CACNA2D4: variants seen among roughly 807,000 people sequenced by gnomAD.
CACNA2D4 encodes the protein calcium voltage-gated channel auxiliary subunit alpha2delta 4.
CACNA2D4 carries 157 observed loss-of-function variants against 163.8 expected under a neutral mutation model. The observed-to-expected ratio is 0.96, with a 90% confidence interval of 0.84 to 1.09. The LOEUF (loss-of-function observed/expected upper bound fraction) is 1.09. Among genes scored for constraint, CACNA2D4 ranks in the 50% least tolerant of loss-of-function variants. CACNA2D4 has a pLI of 0.00. For synonymous variants in CACNA2D4, 598 were observed against 586.9 expected, an observed-to-expected ratio of 1.02 and a Z score of -0.27; for missense variants, 1,410 against 1,479.9, an observed-to-expected ratio of 0.95 and a Z score of 0.78.
chr12:1,816,686 G>C (rs1863883806), intron 26 of CACNA2D4, among the ~76,000 whole-genome samples: 1 of 152,248 alleles, frequency 6.6e-6, no homozygotes, highest in African/African-American at 2.4e-5. Context: ...TGTGCACACA[G>C]ACTGTCACCT....
rs1221492746 is a variant in CACNA2D4, at chr12:1,879,975, C to A, written c.1486-94G>T. Reference sequence around the variant, plus strand: ...ACCCAGTGCGGAGAACCCACAGTCACCACATCAATTATCCAGCGTCACCTT... The same window carrying A: ...ACCCAGTGCGGAGAACCCACAGTCAACACATCAATTATCCAGCGTCACCTT... On this transcript the variant is annotated intron_variant, in intron 13 of 37. Transcript: ENST00000382722. 14 of 716,126 alleles carry A rather than the reference C, an allele frequency of 2.0e-5. No homozygotes were observed. In the East Asian group the frequency reaches 3.6e-4, roughly 19 times the overall value. The allele number at this position is 716,126 out of a possible 1,614,324, so 44.4% of individuals were successfully genotyped here. A position where few individuals can be genotyped will look rare whatever the true frequency, so the allele number is the denominator to read the frequency against.
intron 18 of CACNA2D4, among the ~76,000 whole-genome samples, chr12:1,863,379 T>C (rs1315077285): frequency 6.6e-6 from 1 of 152,266 alleles, no homozygotes; most frequent in East Asian, 1.9e-4. Flanking sequence ...AAATTTGTTC[T>C]TCTATTTCAA....
chr12:1,858,371 G>A (rs1034842010), intron 20 of CACNA2D4, among the ~76,000 whole-genome samples: 9 of 152,110 alleles, frequency 5.9e-5, no homozygotes, highest in Non-Finnish European at 1.0e-4. Flanking sequence ...CTGGTTTGAC[G>A]ACAGACCCAC....
chr12:1,918,325 GTCT>G lies in CACNA2D4; in HGVS notation c.146_148del (p.Lys49del). ...AAGCAGCAGCCACAGGAGGGCCGAG[GTCT>G]TCTGCACAAAGGCCCAGGCCACGGG... On this transcript the variant is annotated inframe_deletion, in exon 1 of 38. Transcript: ENST00000382722. The G allele has an allele frequency of 3.1e-6, 5 of 1,609,928 alleles. No individual in the cohort carries two copies. The highest frequency in any genetic ancestry group is 1.3e-5 in the African/African-American group (1 of 74,992).
chr12:1,885,236 T>C (rs61457024), intron 9 of CACNA2D4, among the ~76,000 whole-genome samples, 160 bp from the exon 10 acceptor site: 19,137 of 152,184 alleles, frequency 0.13, 1,478 homozygotes, highest in African/African-American at 0.21. Flanking sequence ...TCCTCTACAA[T>C]AGGTGTTTCT....
At chr12:1,896,636 C>A (rs934613746) in intron 6 of CACNA2D4, among the ~76,000 whole-genome samples, 2 of 129,322 alleles carry the variant, frequency 1.5e-5, no homozygotes, top group African/African-American at 7.9e-5. Flanking sequence ...CACACACACA[C>A]ACACACACAC....
rs1456905844 is a variant in CACNA2D4 at position 1,828,390 on chromosome 12, C to T, written c.2551+12349G>A. Reference sequence around the variant, plus strand: ...GAAGCCAGGGTCACGCCCACGGTGACAGCATCCCTGCCAGTCAGAGTCACC... The same window carrying T: ...GAAGCCAGGGTCACGCCCACGGTGATAGCATCCCTGCCAGTCAGAGTCACC... On this transcript the variant is annotated intron_variant, in intron 26 of 37. Coordinates refer to ENST00000382722, the MANE Select transcript of CACNA2D4 (RefSeq NM_172364.5). This position sits in a 1 kb window ranked among gnomAD's most constrained non-coding sequence, Gnocchi z 4.2. 1.3e-5 allele frequency among the ~76,000 whole-genome samples: 2 copies of T among 152,224 alleles called. No individual in the cohort carries two copies. Among genetic ancestry groups the T allele is most frequent in the Non-Finnish European group, 2.9e-5 (2 of 68,024 alleles).
rs1259893705 is a variant in CACNA2D4 at position 1,869,261 on chromosome 12, CAG to C, written c.1878+5341_1878+5342del. Among the ~76,000 whole-genome samples the C allele has an allele frequency of 6.6e-6, 1 of 152,186 alleles. No homozygotes were observed. The highest frequency in any genetic ancestry group is 1.5e-5 in the Non-Finnish European group (1 of 68,044). Reference sequence around the variant, plus strand: ...GAGAAGTGTGTGTGAGATTTGCAGACAGAAGTGCAGCAGTAGCCGTTTTGCAC... The same window carrying C: ...GAGAAGTGTGTGTGAGATTTGCAGACAAGTGCAGCAGTAGCCGTTTTGCAC... On this transcript the variant is annotated intron_variant, in intron 18 of 37. Transcript: ENST00000382722. The surrounding 1 kb of genome is among the most constrained non-coding windows in gnomAD (Gnocchi z 4.7).
Position 1,879,836 on chromosome 12 carries a change from C to T in CACNA2D4, c.1531G>A (p.Ala511Thr). Residue 511 changes from alanine to threonine, a missense_variant, in exon 14 of 38, where the codon GCC becomes ACC. Physicochemically the swap from Ala to Thr is moderately conservative, Grantham distance 58 (BLOSUM62 0). Coordinates refer to ENST00000382722, the MANE Select transcript of CACNA2D4 (RefSeq NM_172364.5). ...TTCTTCTTGCTGAAGACTGGCATGG[C>T]CACAGTGGTGAGCAGTGTCAGGCTC... ...AQSLTLLTTV[A>T]MPVFSKKNET... 6.2e-7 allele frequency: 1 copy of T among 1,603,488 alleles called. No homozygotes were observed. The highest frequency in any genetic ancestry group is 8.5e-7 in the Non-Finnish European group (1 of 1,175,130).
At chr12:1,818,779 A>T (rs184010137) in intron 26 of CACNA2D4, among the ~76,000 whole-genome samples, 58 of 136,440 alleles carry the variant, frequency 4.3e-4, no homozygotes, top group Middle Eastern at 7.4e-3. Context: ...AAAAATAAAT[A>T]AATAAATTAA....
At chr12:1,809,582 C>T in intron 29 of CACNA2D4, 1 of 701,562 alleles carries the variant, frequency 1.4e-6, no homozygotes. Context: ...AGGAATAATC[C>T]ATTTTGAGGC....
At chr12:1,882,334 C>G (rs958092054) in intron 13 of CACNA2D4, among the ~76,000 whole-genome samples, 2 of 152,216 alleles carry the variant, frequency 1.3e-5, no homozygotes, top group Non-Finnish European at 2.9e-5. Context: ...AGGTGGCTGC[C>G]TATGTGATGG....
intron 29 of CACNA2D4, among the ~76,000 whole-genome samples, chr12:1,801,900 C>T (rs1387526157): frequency 2.0e-5 from 3 of 152,070 alleles, no homozygotes; most frequent in African/African-American, 7.2e-5. Context: ...ATGAGACCAA[C>T]GTAGAGGCTG....
At position 1,828,155 on chromosome 12, in the gene CACNA2D4, G is replaced by A. The variant is rs200752924; in HGVS notation, c.2551+12584C>T. 3 of 1,542,852 alleles carry A rather than the reference G, an allele frequency of 1.9e-6. No homozygotes were observed. The highest frequency in any genetic ancestry group is 1.7e-6 in the Non-Finnish European group (2 of 1,143,200). On this transcript the variant is annotated intron_variant, in intron 26 of 37. Coordinates refer to ENST00000382722, the MANE Select transcript of CACNA2D4 (RefSeq NM_172364.5). The surrounding 1 kb of genome is among the most constrained non-coding windows in gnomAD (Gnocchi z 4.2). ...GAGAGCCGTGGGCCTCACCATGCTGGCGCCGGGCAGCAGCCCTGGGCAGAG... is the reference window on the plus strand; with the variant it reads ...GAGAGCCGTGGGCCTCACCATGCTGACGCCGGGCAGCAGCCCTGGGCAGAG...
At chr12:1,839,723 G>A (rs1032213287) in intron 26 of CACNA2D4, among the ~76,000 whole-genome samples, 1 of 152,158 alleles carries the variant, frequency 6.6e-6, no homozygotes, top group Non-Finnish European at 1.5e-5. Flanking sequence ...TCAGGGGTTC[G>A]AGTCACAGTC....
At chr12:1,906,446 T>G (rs900115200) in intron 6 of CACNA2D4, among the ~76,000 whole-genome samples, 3 of 152,212 alleles carry the variant, frequency 2.0e-5, no homozygotes, top group Non-Finnish European at 4.4e-5. Context: ...ATTCAGAATA[T>G]ACAGATAACT....
Position 1,797,501 on chromosome 12 carries a change from G to A in CACNA2D4, c.3030C>T (p.Pro1010=). The change falls in exon 35 of 38, where the codon CCC becomes CCT. Residue 1010 remains proline (P), a synonymous_variant. Coordinates refer to ENST00000382722, the MANE Select transcript of CACNA2D4 (RefSeq NM_172364.5). Reference sequence around the variant, plus strand: ...CGAACACGGGGTACTCCGTGTCGCAGGGCTGCAGCGGGTCCTGCTTCTTGT... The same window carrying A: ...CGAACACGGGGTACTCCGTGTCGCAAGGCTGCAGCGGGTCCTGCTTCTTGT... ...HKHKKQDPLQ[P]CDTEYPVFVY... The A allele has an allele frequency of 1.3e-6, 2 of 1,580,198 alleles. No individual in the cohort carries two copies. Among genetic ancestry groups the A allele is most frequent in the Non-Finnish European group, 1.7e-6 (2 of 1,164,812 alleles).
At chr12:1,857,582 G>A (rs909324779) in intron 20 of CACNA2D4, among the ~76,000 whole-genome samples, 1 of 152,156 alleles carries the variant, frequency 6.6e-6, no homozygotes, top group Non-Finnish European at 1.5e-5. Context: ...TAAACAGAAA[G>A]TGGCCACCTC....
intron 26 of CACNA2D4, among the ~76,000 whole-genome samples, chr12:1,838,349 C>T (rs1433885723): frequency 6.6e-6 from 1 of 152,150 alleles, no homozygotes; most frequent in Non-Finnish European, 1.5e-5. Context: ...ACAGCCCCCA[C>T]CACAGACACC....
Sources: allele counts gnomAD v4.1 joint callset (sites outside exome capture counted in the v4.1 genomes callset), GRCh38; gene constraint gnomAD v4.1.1; non-coding constraint Gnocchi (gnomAD v3.1); transcripts MANE v1.5; gene names NCBI Gene and HGNC (gene_info 2026-07-23, HGNC 2026-07-21).